RGS22: variants seen among roughly 807,000 people sequenced by gnomAD.
RGS22 encodes regulator of G protein signaling 22, also known as regulator of G-protein signaling 22.
A neutral mutation model predicts 172.9 loss-of-function variants in RGS22; 148 were observed. The observed-to-expected ratio is 0.86, with a 90% CI of 0.75 to 0.98. The LOEUF is 0.98. RGS22 is among the 50% of genes least tolerant of loss of function. The pLI, the probability that RGS22 is intolerant of heterozygous loss-of-function variation, is 0.00. For missense variants in RGS22, 1,347 were observed against 1,440.8 expected, an observed-to-expected ratio of 0.93 and a Z score of 1.05; for synonymous variants, 458 against 480.2, an observed-to-expected ratio of 0.95 and a Z score of 0.60.
intron 14 of RGS22, among the ~76,000 whole-genome samples, chr8:100,009,901 A>G (rs905726825): frequency 6.6e-6 from 1 of 152,232 alleles, no homozygotes; most frequent in Non-Finnish European, 1.5e-5. Context: ...GTCAATGCCT[A>G]TTCTGAAGAA....
intron 23 of RGS22, among the ~76,000 whole-genome samples, chr8:99,974,239 T>C (rs1278823862): frequency 6.6e-6 from 1 of 152,162 alleles, no homozygotes; most frequent in Admixed American, 6.5e-5. Context: ...TTTAAATGTA[T>C]AGTTTCATGA....
intron 23 of RGS22, among the ~76,000 whole-genome samples, chr8:99,969,597 CAG>C (rs141296695): frequency 0.069 from 10,466 of 151,940 alleles, 482 homozygotes; most frequent in African/African-American, 0.12. Flanking sequence ...TCTGATGAAA[CAG>C]ACTTTCAACC....
chr8:100,066,246 CT>C lies in RGS22; in HGVS notation c.644del (p.Gln215ArgfsTer50), dbSNP rs768444355. ...KDWFALAKQS[Q>X]QTVSTFSLPC... ...GTAACGAAAAGGTTGATACTGTTTG[CT>C]GACTTTGTTTTGCTAATGCAAACCA... On this transcript the variant is annotated frameshift_variant, in exon 7 of 28. Coordinates refer to ENST00000360863, the MANE Select transcript of RGS22 (RefSeq NM_015668.5). LOFTEE classifies it high-confidence loss of function. The C allele has an allele frequency of 1.9e-6, 3 of 1,613,192 alleles. No individual in the cohort carries two copies. In the South Asian group the frequency reaches 3.3e-5, roughly 18 times the overall value.
chr8:100,072,009 C>CAATAT, intron 5 of RGS22, 136 bp downstream of exon 5: 1 of 570,804 alleles, frequency 1.8e-6, no homozygotes, highest in Non-Finnish European at 3.0e-6. Flanking sequence ...CCAGCCTGGG[C>CAATAT]AATATAGCAA....
chr8:100,029,508 C>CTGT lies in RGS22; in HGVS notation c.2166+9422_2166+9423insACA, dbSNP rs1307449754. 3.9e-5 allele frequency among the ~76,000 whole-genome samples: 6 copies of CTGT among 151,934 alleles called. No homozygotes were observed. In the East Asian group the frequency reaches 5.8e-4, roughly 15 times the overall value. The stretch of plus-strand genomic sequence containing the variant: ...TCTGAGGTCAGGAGTTCAAGACCAG[C>CTGT]CTGACCAGCATGGTGAAACCCCGTC... On this transcript the variant is annotated intron_variant, in intron 14 of 27. Transcript: ENST00000360863.
chr8:100,041,769 G>T (rs768588772), intron 12 of RGS22, 33 bp downstream of exon 12: 55 of 1,130,808 alleles, frequency 4.9e-5, no homozygotes, highest in Admixed American at 2.6e-4. Context: ...GTTAAATGAA[G>T]AATCAGGTTT....
intron 2 of RGS22, among the ~76,000 whole-genome samples, chr8:100,100,103 C>G (rs1251029631): frequency 6.6e-6 from 1 of 152,080 alleles, no homozygotes. Context: ...TTCCAGGACC[C>G]CCCACAGACA....
At chr8:100,001,202 T>TTTTA (rs1554611098) in intron 18 of RGS22, among the ~76,000 whole-genome samples, 24 of 124,776 alleles carry the variant, frequency 1.9e-4, no homozygotes, top group South Asian at 2.5e-4. Flanking sequence ...TCCCAATTTT[T>TTTTA]TATATATATA....
chr8:100,078,277 C>G (rs952255541), intron 4 of RGS22, among the ~76,000 whole-genome samples: 3 of 151,856 alleles, frequency 2.0e-5, no homozygotes, highest in Admixed American at 2.0e-4. Flanking sequence ...CTCACTCTGT[C>G]ACCCAGGCTG....
intron 20 of RGS22, among the ~76,000 whole-genome samples, chr8:99,988,454 T>A (rs1813344249): frequency 6.6e-6 from 1 of 152,128 alleles, no homozygotes; most frequent in South Asian, 2.1e-4. Flanking sequence ...AGAAATCGAT[T>A]TTATTGAATT....
rs1813838748 is a variant in RGS22 at position 100,105,311 on chromosome 8, A to T, written c.54+63T>A. ...AGAAAACACACAGCTTTCTTCTATG[A>T]TCTAATATTTGCTATTTTTTTAAAG... On this transcript the variant is annotated intron_variant, in intron 2 of 27. Coordinates refer to ENST00000360863, the MANE Select transcript of RGS22 (RefSeq NM_015668.5). The T allele has an allele frequency of 6.2e-6, 8 of 1,283,138 alleles. No individual in the cohort carries two copies. The South Asian group carries it at 9.8e-5, about 16-fold the overall frequency. 79.5% of individuals were successfully genotyped at this position (1,283,138 alleles called of 1,614,324 possible). A position where few individuals can be genotyped will look rare whatever the true frequency, so the allele number is the denominator to read the frequency against.
chr8:100,095,035 T>C (rs1812857968), intron 2 of RGS22, among the ~76,000 whole-genome samples: 1 of 152,248 alleles, frequency 6.6e-6, no homozygotes. Flanking sequence ...AGAATATGTA[T>C]TTCATAGCAC....
At chr8:100,014,977 G>C (rs190140034) in intron 14 of RGS22, among the ~76,000 whole-genome samples, 1 of 152,314 alleles carries the variant, frequency 6.6e-6, no homozygotes, top group African/African-American at 2.4e-5. Context: ...CAAAGACAGA[G>C]ACTGGGTCTA....
In RGS22 at chr8:100,011,701, G is replaced by A. The variant is rs555707722; in HGVS notation, c.2167-3132C>T. Among the ~76,000 whole-genome samples the A allele has an allele frequency of 5.9e-5, 9 of 152,222 alleles. No individual in the cohort carries two copies. In the South Asian group the frequency reaches 8.3e-4, roughly 14 times the overall value. ...CTGACTCCAGCCTCGAGTTTTTAATGTGCCAAAAGAAAATAACTGCCAACA... is the reference window on the plus strand; with the variant it reads ...CTGACTCCAGCCTCGAGTTTTTAATATGCCAAAAGAAAATAACTGCCAACA... On this transcript the variant is annotated intron_variant, in intron 14 of 27. Transcript: ENST00000360863.
intron 3 of RGS22, among the ~76,000 whole-genome samples, chr8:100,085,404 G>A (rs1812088584): frequency 6.6e-6 from 1 of 152,136 alleles, no homozygotes; most frequent in Admixed American, 6.5e-5. Flanking sequence ...AGACAGATAA[G>A]TAAACATAAA....
intron 5 of RGS22, among the ~76,000 whole-genome samples, chr8:100,071,802 GA>G (rs886711421): frequency 6.6e-6 from 1 of 152,166 alleles, no homozygotes; most frequent in African/African-American, 2.4e-5. Flanking sequence ...GAACATAAAG[GA>G]AAAACTTGGC....
chr8:100,057,560 T>C (rs113737233), intron 9 of RGS22, among the ~76,000 whole-genome samples: 99 of 152,246 alleles, frequency 6.5e-4, no homozygotes, highest in African/African-American at 2.2e-3. Flanking sequence ...CATGCTGGTC[T>C]TGTGGTAGTG....
chr8:100,006,221 A>G, intron 15 of RGS22, 112 bp from the exon 16 acceptor site: 1 of 806,310 alleles, frequency 1.2e-6, no homozygotes, highest in Non-Finnish European at 1.9e-6. Context: ...TCAAAGCAAA[A>G]GCAGGAAGAT....
intron 21 of RGS22, among the ~76,000 whole-genome samples, chr8:99,982,518 G>T (rs1812653795): frequency 6.6e-6 from 1 of 152,160 alleles, no homozygotes. Flanking sequence ...AGAACATGTT[G>T]CTCCTATTTT....
Sources: allele counts gnomAD v4.1 joint callset (sites outside exome capture counted in the v4.1 genomes callset), GRCh38; gene constraint gnomAD v4.1.1; transcripts MANE v1.5; gene names NCBI Gene and HGNC (gene_info 2026-07-23, HGNC 2026-07-21).